Variants in CLSTN2 observed in about 807,000 individuals in gnomAD.
CLSTN2 encodes calsyntenin 2.
A neutral mutation model predicts 101.2 loss-of-function variants in CLSTN2; 48 were observed. The observed-to-expected ratio is 0.47, with a 90% CI of 0.38 to 0.60. The LOEUF (loss-of-function observed/expected upper bound fraction) is 0.60, where lower values mean the gene tolerates loss of function less well. Ranked by LOEUF, CLSTN2 falls within the 20% of genes least tolerant of loss-of-function variation. The pLI is 0.00. For missense variants in CLSTN2, 1,160 were observed against 1,238.2 expected (o/e 0.94, Z 0.95); for synonymous variants, 481 against 463.6 (o/e 1.04, Z -0.48).
At chr3:140,475,678 C>T (rs774484880) in intron 8 of CLSTN2, among the ~76,000 whole-genome samples, 4 of 152,150 alleles carry the variant, frequency 2.6e-5, no homozygotes, top group Non-Finnish European at 5.9e-5. Context: ...TACATTTCTC[C>T]CCTTTTTCTG....
intron 2 of CLSTN2, among the ~76,000 whole-genome samples, chr3:140,305,027 C>T (rs949659473): frequency 3.5e-5 from 2 of 56,822 alleles, no homozygotes; most frequent in African/African-American, 9.6e-5. Context: ...CACAGAGACA[C>T]ACACACACAC....
chr3:139,995,487 C>T (rs1411020637), intron 1 of CLSTN2, among the ~76,000 whole-genome samples: 4 of 152,096 alleles, frequency 2.6e-5, no homozygotes, highest in Non-Finnish European at 4.4e-5. Context: ...AGTCTTTTCT[C>T]CTCTCCCCTT....
At chr3:139,979,100 G>T (rs1193808056) in intron 1 of CLSTN2, among the ~76,000 whole-genome samples, 1 of 152,160 alleles carries the variant, frequency 6.6e-6, no homozygotes, top group East Asian at 1.9e-4. Flanking sequence ...GGAAGGCCTA[G>T]AGAACTGTGA....
intron 2 of CLSTN2, among the ~76,000 whole-genome samples, chr3:140,344,213 C>T (rs1240568369): frequency 6.6e-6 from 1 of 152,104 alleles, no homozygotes; most frequent in East Asian, 1.9e-4. Context: ...TTAGGCTGAG[C>T]TCAGTGGAGA....
chr3:140,194,957 G>C (rs956829329), intron 2 of CLSTN2, among the ~76,000 whole-genome samples: 1 of 152,220 alleles, frequency 6.6e-6, no homozygotes, highest in African/African-American at 2.4e-5. Flanking sequence ...GGCCCCTCAT[G>C]TAGTCTATAG....
intron 4 of CLSTN2, among the ~76,000 whole-genome samples, chr3:140,410,516 G>A (rs542180076): frequency 1.3e-5 from 2 of 152,036 alleles, no homozygotes; most frequent in African/African-American, 4.8e-5. Flanking sequence ...AAAAGCTTAG[G>A]GAATTCATCA....
chr3:140,256,750 C>T (rs969062528), intron 2 of CLSTN2, among the ~76,000 whole-genome samples: 3 of 152,170 alleles, frequency 2.0e-5, no homozygotes, highest in East Asian at 1.9e-4. Context: ...CTATTTGATT[C>T]GGTTCAACAG....
chr3:140,317,688 C>T (rs529061105), intron 2 of CLSTN2, among the ~76,000 whole-genome samples: 2 of 152,290 alleles, frequency 1.3e-5, no homozygotes, highest in East Asian at 3.9e-4. Flanking sequence ...TGACTGTTAC[C>T]TGACTCAGTA....
rs753173065 is a variant in CLSTN2, at chr3:140,421,280, C to T, written c.787+6C>T. 3.7e-5 allele frequency: 60 copies of T among 1,613,770 alleles called. No homozygotes were observed. Among genetic ancestry groups the T allele is most frequent in the Non-Finnish European group, 4.9e-5 (58 of 1,179,908 alleles). On this transcript the variant is annotated splice_donor_region_variant and intron_variant, in intron 5 of 16. Transcript: ENST00000458420. ...TTGCAAGCCTGGCTGGCAAGGTGGGCCTGTTTTATCAGTCTTGTGTGAAGG... is the reference window on the plus strand; with the variant it reads ...TTGCAAGCCTGGCTGGCAAGGTGGGTCTGTTTTATCAGTCTTGTGTGAAGG...
At chr3:140,225,908 G>A (rs2107856182) in intron 2 of CLSTN2, among the ~76,000 whole-genome samples, 1 of 147,092 alleles carries the variant, frequency 6.8e-6, no homozygotes, top group Admixed American at 6.7e-5. Flanking sequence ...TCCATAAGTT[G>A]ATTTTTTTTA....
intron 1 of CLSTN2, among the ~76,000 whole-genome samples, chr3:140,106,486 T>C (rs1040361546): frequency 6.6e-6 from 1 of 152,220 alleles, no homozygotes; most frequent in African/African-American, 2.4e-5. Context: ...AGGTGGGGTC[T>C]TTGTTGTTTC....
intron 2 of CLSTN2, among the ~76,000 whole-genome samples, chr3:140,187,376 C>T (rs1470242137): frequency 6.6e-6 from 1 of 152,178 alleles, no homozygotes; most frequent in Non-Finnish European, 1.5e-5. Context: ...CTGATCCTGA[C>T]ATACCCCTGG....
chr3:140,316,264 A>G (rs1261385877), intron 2 of CLSTN2, among the ~76,000 whole-genome samples: 4 of 152,226 alleles, frequency 2.6e-5, no homozygotes, highest in African/African-American at 9.6e-5. Flanking sequence ...TTCACCCTGC[A>G]TGAGAGGTAG....
At chr3:140,468,286 T>C (rs1016743522) in intron 8 of CLSTN2, among the ~76,000 whole-genome samples, 1 of 152,358 alleles carries the variant, frequency 6.6e-6, no homozygotes, top group Admixed American at 6.5e-5. Context: ...TGTGAGGGTT[T>C]TTAAAATAGG....
At chr3:140,051,485 C>G (rs909406537) in intron 1 of CLSTN2, among the ~76,000 whole-genome samples, 3 of 152,180 alleles carry the variant, frequency 2.0e-5, no homozygotes, top group Non-Finnish European at 4.4e-5. Flanking sequence ...CGCCTGCACC[C>G]TTTTTGGGCT....
intron 2 of CLSTN2, among the ~76,000 whole-genome samples, chr3:140,231,392 T>A: frequency 6.6e-6 from 1 of 152,000 alleles, no homozygotes; most frequent in Admixed American, 6.6e-5. Context: ...AAAACCGGTT[T>A]AAAAAAAATG....
chr3:140,518,947 T>C (rs1433246986), intron 8 of CLSTN2, among the ~76,000 whole-genome samples: 1 of 152,172 alleles, frequency 6.6e-6, no homozygotes, highest in African/African-American at 2.4e-5. Context: ...TCTTTCTAGC[T>C]TTTTGATGTG....
At chr3:140,372,021 AC>A (rs2087863325) in intron 2 of CLSTN2, among the ~76,000 whole-genome samples, 1 of 152,086 alleles carries the variant, frequency 6.6e-6, no homozygotes, top group Admixed American at 6.5e-5. Context: ...AACTTCAAGG[AC>A]CTAAGATGAA....
intron 1 of CLSTN2, among the ~76,000 whole-genome samples, chr3:140,058,244 G>A (rs2008135078): frequency 1.3e-5 from 2 of 152,202 alleles, no homozygotes; most frequent in Non-Finnish European, 2.9e-5. Flanking sequence ...CTAAATCCCA[G>A]GCAGTAGAGC....
Sources: allele counts gnomAD v4.1 joint callset (sites outside exome capture counted in the v4.1 genomes callset), GRCh38; gene constraint gnomAD v4.1.1; transcripts MANE v1.5; gene names NCBI Gene and HGNC (gene_info 2026-07-23, HGNC 2026-07-21).